CEP85L: variants seen among roughly 807,000 people sequenced by gnomAD.
CEP85L encodes the protein centrosomal protein 85L, also known as centrosomal protein of 85 kDa-like.
Under a neutral mutation model 100.3 loss-of-function variants are expected in CEP85L, and 60 were observed. The observed-to-expected ratio is 0.60, with a 90% CI of 0.49 to 0.74. The LOEUF (loss-of-function observed/expected upper bound fraction) is 0.74, where lower values mean the gene tolerates loss of function less well. Ranked by LOEUF, CEP85L falls within the 30% of genes least tolerant of loss-of-function variation. The pLI is 0.00. For missense variants in CEP85L, 973 were observed against 936.2 expected (o/e 1.04, Z -0.51); for synonymous variants, 319 against 322.7 (o/e 0.99, Z 0.12).
upstream of CEP85L, chr6:118,651,874 A>T (rs1007547202): frequency 5.1e-6 from 5 of 985,454 alleles, no homozygotes; most frequent in African/African-American, 8.7e-5. Context: ...TCCCTTGGGT[A>T]ATCCCTCACG....
intron 2 of CEP85L, among the ~76,000 whole-genome samples, chr6:118,626,436 A>G (rs969599584): frequency 9.9e-5 from 15 of 152,134 alleles, no homozygotes; most frequent in Admixed American, 7.9e-4. Context: ...GTTAAGTTCT[A>G]TAAGATCCTC....
At chr6:118,499,988 T>C (rs1393350997) in intron 5 of CEP85L, among the ~76,000 whole-genome samples, 2 of 152,004 alleles carry the variant, frequency 1.3e-5, no homozygotes, top group African/African-American at 4.8e-5. Flanking sequence ...TTTTATAAAA[T>C]GTCAAAAAGA....
chr6:118,546,758 G>C (rs1238814110), intron 3 of CEP85L, among the ~76,000 whole-genome samples: 1 of 151,868 alleles, frequency 6.6e-6, no homozygotes, highest in Admixed American at 6.6e-5. Flanking sequence ...AATCATCATT[G>C]GTAACTGATA....
At chr6:118,651,839 T>C (rs1775592207), upstream of CEP85L, 2 of 985,498 alleles carry the variant, frequency 2.0e-6, no homozygotes, top group Non-Finnish European at 2.4e-6. Flanking sequence ...GGCAGCGACT[T>C]GGCCTATTTT....
intron 2 of CEP85L, among the ~76,000 whole-genome samples, chr6:118,572,659 G>A (rs908265227): frequency 6.6e-6 from 1 of 152,134 alleles, no homozygotes; most frequent in African/African-American, 2.4e-5. Context: ...ACCACACACT[G>A]CTAGGAGTGG....
intron 1 of CEP85L, among the ~76,000 whole-genome samples, chr6:118,702,293 T>C (rs534580583): frequency 6.6e-6 from 1 of 151,942 alleles, no homozygotes; most frequent in Non-Finnish European, 1.5e-5. Context: ...GGAGGATTGC[T>C]TGAGCCCAGG....
chr6:118,495,429 G>A (rs1406580523), intron 5 of CEP85L, among the ~76,000 whole-genome samples: 2 of 152,060 alleles, frequency 1.3e-5, no homozygotes, highest in East Asian at 1.9e-4. Flanking sequence ...TCGTGATAGC[G>A]GGTGAGTTCT....
intron 5 of CEP85L, among the ~76,000 whole-genome samples, chr6:118,499,221 A>G (rs2114650753): frequency 6.6e-6 from 1 of 152,354 alleles, no homozygotes; most frequent in Non-Finnish European, 1.5e-5. Context: ...TATCAACTAG[A>G]AAAAGTAAAT....
upstream of CEP85L, chr6:118,652,900 T>A: frequency 3.5e-6 from 2 of 575,660 alleles, no homozygotes; most frequent in Non-Finnish European, 6.0e-6. Context: ...TATCTAACAC[T>A]TGAAGAGGAT....
intron 2 of CEP85L, among the ~76,000 whole-genome samples, chr6:118,577,661 C>T (rs1246000810): frequency 6.6e-6 from 1 of 152,138 alleles, no homozygotes; most frequent in Admixed American, 6.5e-5. Flanking sequence ...CCTGGGAAAA[C>T]AGAATAGCCC....
At chr6:118,609,488 T>A (rs1034884957) in intron 2 of CEP85L, among the ~76,000 whole-genome samples, 8 of 152,230 alleles carry the variant, frequency 5.3e-5, no homozygotes, top group African/African-American at 1.9e-4. Context: ...AATCTCTTTT[T>A]AAGTTCTTTT....
chr6:118,671,370 A>G (rs1229307957), intron 1 of CEP85L, among the ~76,000 whole-genome samples: 1 of 152,182 alleles, frequency 6.6e-6, no homozygotes, highest in African/African-American at 2.4e-5. Context: ...GTTAAGTATT[A>G]AGTATTATTT....
intron 3 of CEP85L, among the ~76,000 whole-genome samples, chr6:118,556,643 T>C (rs1778894747): frequency 6.6e-6 from 1 of 152,172 alleles, no homozygotes; most frequent in African/African-American, 2.4e-5. Context: ...ATGGGATGTA[T>C]AAAAGGACTT....
At chr6:118,487,543 A>C (rs1198994048) in intron 6 of CEP85L, among the ~76,000 whole-genome samples, 1 of 152,260 alleles carries the variant, frequency 6.6e-6, no homozygotes, top group Non-Finnish European at 1.5e-5. Context: ...ATGCAAAATC[A>C]GCCACATGGA....
At chr6:118,548,099 T>C (rs1358415554) in intron 3 of CEP85L, among the ~76,000 whole-genome samples, 1 of 152,134 alleles carries the variant, frequency 6.6e-6, no homozygotes, top group Non-Finnish European at 1.5e-5. Context: ...TTATCTACCA[T>C]ATACTGTTTT....
At position 118,463,363 on chromosome 6, in the gene CEP85L, C is replaced by A. The variant is rs1333670909; in HGVS notation, c.*2042G>T. 1 of 151,892 alleles carries A rather than the reference C, an allele frequency of 6.6e-6. No individual in the cohort carries two copies. The highest frequency in any genetic ancestry group is 1.5e-5 in the Non-Finnish European group (1 of 67,876). The allele number at this position is 151,892 out of a possible 1,614,324, so 9.4% of individuals were successfully genotyped here. ...ATTAGTGATTGTTTGCCAATTTGTT[C>A]TATTATTTTAGGAAGCCTTTATTTC... On this transcript the variant is annotated 3_prime_UTR_variant, in exon 13 of 13. Transcript: ENST00000368491.
At chr6:118,609,695 G>C (rs968194862) in intron 2 of CEP85L, among the ~76,000 whole-genome samples, 1 of 151,744 alleles carries the variant, frequency 6.6e-6, no homozygotes, top group African/African-American at 2.4e-5. Flanking sequence ...CCTGACAATA[G>C]AAAACAAAGG....
In CEP85L at chr6:118,501,852, C is replaced by T. The variant is rs576831963; in HGVS notation, c.1257+9446G>A. The stretch of plus-strand genomic sequence containing the variant: ...AGAGAGGACTCTGGAGATGCCGAAG[C>T]ACAAGCCTTCAAGAGTCCCAGCAAA... On this transcript the variant is annotated intron_variant, in intron 5 of 12. Transcript: ENST00000368491. The T allele has an allele frequency of 3.8e-6, 5 of 1,302,470 alleles. No individual in the cohort carries two copies. In the East Asian group the frequency reaches 7.1e-5, roughly 18 times the overall value. The allele number at this position is 1,302,470 out of a possible 1,614,324, so 80.7% of individuals were successfully genotyped here.
chr6:118,616,000 G>A (rs1773016648), intron 2 of CEP85L, among the ~76,000 whole-genome samples: 1 of 152,010 alleles, frequency 6.6e-6, no homozygotes, highest in African/African-American at 2.4e-5. Context: ...TTTAAGTTCT[G>A]TGATTCTTTA....
Sources: gnomAD v4.1 joint callset for allele counts (sites outside exome capture counted in the v4.1 genomes callset) on GRCh38, gnomAD v4.1.1 for gene constraint, MANE v1.5 for transcripts, NCBI Gene and HGNC (gene_info 2026-07-23, HGNC 2026-07-21) for gene names.